The following SYT14 variants were observed in gnomAD, a reference collection of about 807,000 sequenced individuals.
SYT14 encodes the protein synaptotagmin-14.
SYT14 carries 32 observed loss-of-function variants against 74.2 expected under a neutral mutation model. The observed-to-expected ratio is 0.43, with a 90% CI of 0.33 to 0.58. The LOEUF (loss-of-function observed/expected upper bound fraction) is 0.58. SYT14 is among the 20% of genes least tolerant of loss of function. The pLI is 0.05. For missense variants in SYT14, 791 were observed against 981.8 expected, an observed-to-expected ratio of 0.81 and a Z score of 2.60; for synonymous variants, 298 against 337.7, an observed-to-expected ratio of 0.88 and a Z score of 1.29.
intron 7 of SYT14, among the ~76,000 whole-genome samples, chr1:210,146,383 C>T (rs770887801): frequency 3.2e-4 from 48 of 151,836 alleles, no homozygotes; most frequent in Non-Finnish European, 5.6e-4. Flanking sequence ...TTGCAACTGG[C>T]CTGAAGTCTG....
At chr1:210,132,567 T>TTTTG (rs147481736) in intron 7 of SYT14, among the ~76,000 whole-genome samples, 28,750 of 144,942 alleles carry the variant, frequency 0.2, 3,314 homozygotes, top group Non-Finnish European at 0.26. Context: ...ATTTTATATA[T>TTTTG]TGTGTGTGTG....
intron 2 of SYT14, among the ~76,000 whole-genome samples, chr1:209,995,718 C>T (rs945020003): frequency 1.2e-4 from 18 of 152,046 alleles, no homozygotes; most frequent in African/African-American, 4.3e-4. Flanking sequence ...TTCTAAGAGC[C>T]AGCACCTGCT....
intron 2 of SYT14, among the ~76,000 whole-genome samples, chr1:209,957,098 A>G (rs1032733609): frequency 2.6e-5 from 4 of 152,004 alleles, no homozygotes; most frequent in Non-Finnish European, 4.4e-5. Flanking sequence ...GCTGAAAGTA[A>G]CTCACATGTA....
At chr1:210,002,270 CTGAG>C (rs148697156) in intron 2 of SYT14, among the ~76,000 whole-genome samples, 5 of 152,178 alleles carry the variant, frequency 3.3e-5, no homozygotes, top group African/African-American at 7.2e-5. Flanking sequence ...TGCACTCTTC[CTGAG>C]TATTATCCCT....
chr1:209,989,789 ATACT>A (rs1029175675), intron 2 of SYT14, among the ~76,000 whole-genome samples: 1 of 152,102 alleles, frequency 6.6e-6, no homozygotes, highest in African/African-American at 2.4e-5. Flanking sequence ...TATTTAGTAA[ATACT>A]TCAGTGCTTT....
At chr1:210,024,045 A>G (rs2080357482) in intron 5 of SYT14, among the ~76,000 whole-genome samples, 1 of 152,214 alleles carries the variant, frequency 6.6e-6, no homozygotes, top group Admixed American at 6.5e-5. Context: ...TCAGGGATGG[A>G]GAGAAATCCA....
intron 1 of SYT14, among the ~76,000 whole-genome samples, chr1:209,940,933 G>C (rs2078720270): frequency 6.6e-6 from 1 of 152,124 alleles, no homozygotes; most frequent in Non-Finnish European, 1.5e-5. Flanking sequence ...CTTAACATTA[G>C]AATAGGTTTT....
chr1:209,967,444 A>G (rs768029332), intron 2 of SYT14, among the ~76,000 whole-genome samples: 7 of 152,142 alleles, frequency 4.6e-5, no homozygotes, highest in Non-Finnish European at 8.8e-5. Flanking sequence ...CCTTGGTGGC[A>G]TAAACCTTCT....
chr1:210,046,579 C>T lies in SYT14; in HGVS notation c.1312+25325C>T, dbSNP rs116246808. Among the ~76,000 whole-genome samples, 453 of 152,234 alleles carry T rather than the reference C, an allele frequency of 3.0e-3. 2 individuals are homozygous for T. Among genetic ancestry groups the T allele is most frequent in the African/African-American group, 9.9e-3 (413 of 41,542 alleles). On this transcript the variant is annotated intron_variant, in intron 5 of 9. Coordinates refer to ENST00000637265, the Ensembl canonical transcript of SYT14. ...ACCACTCATCTACTTTATATAAATT[C>T]GCCTATTTTGGACATTTTATATAAT...
rs552835172 is a variant in SYT14 at position 210,148,742 on chromosome 1, G to A, written c.2035-6979G>A. Among the ~76,000 whole-genome samples the A allele has an allele frequency of 9.9e-5, 15 of 152,178 alleles. No individual in the cohort carries two copies. The South Asian group carries it at 1.9e-3, about 19-fold the overall frequency. On this transcript the variant is annotated intron_variant, in intron 7 of 9. Transcript: ENST00000637265. ...AAAGAAAGAGGAAAAAAAGATGGTC[G>A]ACTTTCAGAAGCAAGTTTTACCCAA...
At chr1:210,094,466 A>C in exon 6 of SYT14, 1 of 1,614,002 alleles carries the variant, frequency 6.2e-7, no homozygotes, top group Non-Finnish European at 8.5e-7. Context: ...CACTGCAGCA[A>C]CAGTCCAAGA....
chr1:209,979,670 A>G (rs2079444566), intron 2 of SYT14, among the ~76,000 whole-genome samples: 1 of 151,172 alleles, frequency 6.6e-6, no homozygotes, highest in South Asian at 2.1e-4. Flanking sequence ...TGTTCTCATC[A>G]CTCACCTCCC....
chr1:210,027,177 G>GA (rs1341062216), intron 5 of SYT14, among the ~76,000 whole-genome samples: 1 of 152,042 alleles, frequency 6.6e-6, no homozygotes, highest in Non-Finnish European at 1.5e-5. Context: ...AAGTAAGCTA[G>GA]AAAAAAGAAA....
At chr1:209,940,743 G>T (rs1295477336) in intron 1 of SYT14, among the ~76,000 whole-genome samples, 1 of 152,124 alleles carries the variant, frequency 6.6e-6, no homozygotes, top group East Asian at 1.9e-4. Flanking sequence ...GCCATTTGAA[G>T]ACAGCTCTAG....
chr1:209,976,415 G>A lies in SYT14; in HGVS notation c.-486+23659G>A, dbSNP rs1220005518. ...TCTGGTATGTTGTGTCTTTGTTCTC[G>A]TTGGTTTCAAAGAGCATCTTTACTT... On this transcript the variant is annotated intron_variant, in intron 2 of 9. Coordinates refer to ENST00000637265, the Ensembl canonical transcript of SYT14. Among the ~76,000 whole-genome samples, 8 of 151,544 alleles carry A rather than the reference G, an allele frequency of 5.3e-5. No individual in the cohort carries two copies. The East Asian group carries it at 5.8e-4, about 11-fold the overall frequency.
exon 10 of SYT14, chr1:210,169,240 T>G (rs907109465): frequency 9.2e-5 from 13 of 142,006 alleles, no homozygotes; most frequent in East Asian, 2.0e-4. Context: ...TTTTTTTTTT[T>G]TTTTTTTTTT....
At chr1:210,017,050 A>T in exon 4 of SYT14, 1 of 1,231,808 alleles carries the variant, frequency 8.1e-7, no homozygotes, top group Non-Finnish European at 1.0e-6. Context: ...CCAAGAAAGG[A>T]ACAGCAAAGA....
chr1:210,082,078 C>G (rs2081627060), intron 5 of SYT14, among the ~76,000 whole-genome samples: 1 of 152,176 alleles, frequency 6.6e-6, no homozygotes, highest in Non-Finnish European at 1.5e-5. Flanking sequence ...CAAAGCAAAG[C>G]AGTTGAGTAA....
intron 1 of SYT14, among the ~76,000 whole-genome samples, chr1:209,944,009 C>G (rs1223301367): frequency 6.6e-6 from 1 of 152,088 alleles, no homozygotes. Context: ...AAGAGCCACA[C>G]ATATATTCAG....
Sources: allele counts gnomAD v4.1 joint callset (sites outside exome capture counted in the v4.1 genomes callset), GRCh38; gene constraint gnomAD v4.1.1; transcripts MANE v1.5; gene names NCBI Gene and HGNC (gene_info 2026-07-23, HGNC 2026-07-21).